RPTOR: variants seen among roughly 807,000 people sequenced by gnomAD.
RPTOR encodes the protein regulatory associated protein of MTOR complex 1.
RPTOR carries 21 observed loss-of-function variants against 169.9 expected under a neutral mutation model. That is an observed-to-expected ratio of 0.12 (90% CI 0.09 to 0.18). RPTOR has a LOEUF of 0.18. Ranked by LOEUF, RPTOR falls within the 10% of genes least tolerant of loss-of-function variation. The pLI, the probability that RPTOR is intolerant of heterozygous loss-of-function variation, is 1.00. For synonymous variants in RPTOR, 732 were observed against 753.2 expected (o/e 0.97, Z 0.46); for missense variants, 1,133 against 1,855.9 (o/e 0.61, Z 7.16).
chr17:80,892,039 C>T (rs9908308), intron 18 of RPTOR, among the ~76,000 whole-genome samples: 4,742 of 152,286 alleles, frequency 0.031, 175 homozygotes, highest in African/African-American at 0.08. Context: ...GACCCTCTTA[C>T]ATTTTTCCTT....
At position 80,925,362 on chromosome 17, in the gene RPTOR, C is replaced by T. The variant is rs376276035; in HGVS notation, c.2809-8C>T. The T allele has an allele frequency of 5.6e-6, 9 of 1,612,242 alleles. No individual in the cohort carries two copies. In the African/African-American group the frequency reaches 6.7e-5, roughly 12 times the overall value. On this transcript the variant is annotated splice_region_variant and splice_polypyrimidine_tract_variant and intron_variant, in intron 23 of 33. Transcript: ENST00000306801. ...TTTCCTTCCAACCCTCCTGCTTAAA[C>T]CCTGAAGACTGCGGACGACGCGGAC...
At position 80,564,313 on chromosome 17, in the gene RPTOR, C is replaced by T. The variant is rs112539538; in HGVS notation, c.162+18522C>T. On this transcript the variant is annotated intron_variant, in intron 1 of 33. Coordinates refer to ENST00000306801, the MANE Select transcript of RPTOR (RefSeq NM_020761.3). Reference sequence around the variant, plus strand: ...TCCTGACCTTGTGATCTGCCCGCCTCGGCCTCCCAAAGTGCTGGGACCACA... The same window carrying T: ...TCCTGACCTTGTGATCTGCCCGCCTTGGCCTCCCAAAGTGCTGGGACCACA... 6.9e-3 allele frequency among the ~76,000 whole-genome samples: 1,047 copies of T among 152,182 alleles called. 16 individuals carry two copies. Among genetic ancestry groups the T allele is most frequent in the African/African-American group, 0.024 (995 of 41,520 alleles).
At chr17:80,728,881 T>C (rs1181930533) in intron 4 of RPTOR, among the ~76,000 whole-genome samples, 1 of 152,172 alleles carries the variant, frequency 6.6e-6, no homozygotes, top group East Asian at 1.9e-4. Flanking sequence ...AGTGGGTTTA[T>C]TTACAGAGAG....
At chr17:80,583,184 T>TTTTTTTG (rs2065030127) in intron 1 of RPTOR, among the ~76,000 whole-genome samples, 1 of 118,118 alleles carries the variant, frequency 8.5e-6, no homozygotes, top group African/African-American at 3.3e-5. Flanking sequence ...TCTTTCCTGT[T>TTTTTTTG]TTTTTTTTTT....
chr17:80,790,638 A>G (rs1223319387), intron 6 of RPTOR, among the ~76,000 whole-genome samples: 1 of 150,840 alleles, frequency 6.6e-6, no homozygotes, highest in Admixed American at 6.6e-5. Flanking sequence ...CTTCTCCATC[A>G]CTCACTTCCA....
At chr17:80,894,035 C>T (rs1207496642) in intron 20 of RPTOR, among the ~76,000 whole-genome samples, 170 bp downstream of exon 20, 2 of 152,190 alleles carry the variant, frequency 1.3e-5, no homozygotes, top group African/African-American at 2.4e-5. Flanking sequence ...TTTGCTGGGG[C>T]AAGCGGGAAA....
At chr17:80,895,061 C>G (rs1025376105) in intron 20 of RPTOR, among the ~76,000 whole-genome samples, 2 of 152,250 alleles carry the variant, frequency 1.3e-5, no homozygotes, top group Non-Finnish European at 2.9e-5. Context: ...ATTCTCCTGT[C>G]TGGGGACAGT....
intron 4 of RPTOR, among the ~76,000 whole-genome samples, chr17:80,719,764 T>C (rs757822472): frequency 1.3e-5 from 2 of 152,110 alleles, no homozygotes; most frequent in Non-Finnish European, 2.9e-5. Context: ...CTCGGGAGTA[T>C]ACATCACCAG....
chr17:80,827,123 A>C (rs569296964), intron 9 of RPTOR, among the ~76,000 whole-genome samples: 2 of 152,264 alleles, frequency 1.3e-5, no homozygotes, highest in East Asian at 3.9e-4. Context: ...ATTGAAGCTG[A>C]TTTGTGCTGA....
At chr17:80,756,506 A>G (rs2066682113) in intron 6 of RPTOR, among the ~76,000 whole-genome samples, 1 of 152,226 alleles carries the variant, frequency 6.6e-6, no homozygotes, top group Non-Finnish European at 1.5e-5. Context: ...AATGGCCCCA[A>G]CACAAAAGAT....
chr17:80,611,997 G>T (rs1415535808), intron 1 of RPTOR, among the ~76,000 whole-genome samples: 4 of 152,260 alleles, frequency 2.6e-5, no homozygotes, highest in South Asian at 4.1e-4. Flanking sequence ...AGGTTTGATT[G>T]TATCCACATT....
At chr17:80,794,522 A>G (rs1212476099) in intron 7 of RPTOR, among the ~76,000 whole-genome samples, 2 of 152,232 alleles carry the variant, frequency 1.3e-5, no homozygotes, top group Non-Finnish European at 2.9e-5. Context: ...ATAAATGTCC[A>G]TAAACCTGCC....
chr17:80,857,022 G>T (rs896702305), intron 12 of RPTOR, among the ~76,000 whole-genome samples: 1 of 152,174 alleles, frequency 6.6e-6, no homozygotes, highest in Admixed American at 6.5e-5. Flanking sequence ...CTTGGTTACA[G>T]GGGACCTCAC....
chr17:80,834,383 C>T (rs550350614), intron 9 of RPTOR, among the ~76,000 whole-genome samples: 7 of 152,292 alleles, frequency 4.6e-5, no homozygotes, highest in South Asian at 4.1e-4. Context: ...CCTGGGTAGC[C>T]GGACGGCCCC....
intron 5 of RPTOR, among the ~76,000 whole-genome samples, chr17:80,747,720 G>A (rs1014227457): frequency 5.3e-5 from 8 of 152,182 alleles, no homozygotes; most frequent in Non-Finnish European, 1.0e-4. Flanking sequence ...TCTCTCCACC[G>A]GACAAGACAC....
chr17:80,689,567 C>T (rs1044700456), intron 3 of RPTOR, among the ~76,000 whole-genome samples: 3 of 152,316 alleles, frequency 2.0e-5, no homozygotes, highest in South Asian at 4.1e-4. Flanking sequence ...AGCGAGGAAG[C>T]GCAAAAGCAC....
chr17:80,931,132 T>G (rs1398906132), intron 24 of RPTOR, among the ~76,000 whole-genome samples: 1 of 152,176 alleles, frequency 6.6e-6, no homozygotes, highest in Non-Finnish European at 1.5e-5. Flanking sequence ...AATATTGCTC[T>G]GGTAAAAGCC....
chr17:80,854,840 C>T (rs1270066615), intron 11 of RPTOR, among the ~76,000 whole-genome samples: 3 of 152,144 alleles, frequency 2.0e-5, no homozygotes, highest in Non-Finnish European at 4.4e-5. Flanking sequence ...CTGCAGTGAG[C>T]CATGATCTGG....
At chr17:80,612,458 C>T (rs949464419) in intron 1 of RPTOR, among the ~76,000 whole-genome samples, 22 of 152,178 alleles carry the variant, frequency 1.4e-4, no homozygotes, top group Non-Finnish European at 1.2e-4. Flanking sequence ...TTTACTCTGT[C>T]TTCACACATA....
Sources: allele counts gnomAD v4.1 joint callset (sites outside exome capture counted in the v4.1 genomes callset), GRCh38; gene constraint gnomAD v4.1.1; transcripts MANE v1.5; gene names NCBI Gene and HGNC (gene_info 2026-07-23, HGNC 2026-07-21).